The following SPOCK3 variants were observed in gnomAD, a reference collection of about 807,000 sequenced individuals.
SPOCK3 encodes the protein SPARC (osteonectin), cwcv and kazal like domains proteoglycan 3, also known as testican-3.
In SPOCK3, 30 loss-of-function variants were observed where a neutral mutation model predicts 56.6. The ratio of observed to expected loss-of-function variants is 0.53; its 90% confidence interval spans 0.40 to 0.72. The LOEUF is 0.72. Among genes scored for constraint, SPOCK3 ranks in the 30% least tolerant of loss-of-function variants. The probability of loss-of-function intolerance (pLI) is 0.00; values close to 1 mark genes in which losing one functional copy is unlikely to be tolerated. For synonymous variants in SPOCK3, 196 were observed against 183.3 expected, an observed-to-expected ratio of 1.07 and a Z score of -0.56; for missense variants, 527 against 530.0, an observed-to-expected ratio of 0.99 and a Z score of 0.06.
intron 5 of SPOCK3, among the ~76,000 whole-genome samples, chr4:166,893,235 T>A (rs1734976188): frequency 6.6e-6 from 1 of 152,244 alleles, no homozygotes; most frequent in South Asian, 2.1e-4. Flanking sequence ...ATTAGTCTAC[T>A]GTAAGGCAAT....
At chr4:167,115,091 G>C (rs1234285755) in intron 2 of SPOCK3, among the ~76,000 whole-genome samples, 1 of 152,050 alleles carries the variant, frequency 6.6e-6, no homozygotes, top group Non-Finnish European at 1.5e-5. Flanking sequence ...TTGATATTGC[G>C]AACAACTAAC....
intron 6 of SPOCK3, among the ~76,000 whole-genome samples, chr4:166,818,044 C>A (rs1439624407): frequency 6.6e-6 from 1 of 151,876 alleles, no homozygotes; most frequent in Admixed American, 6.6e-5. Flanking sequence ...AATAATATGT[C>A]CAAGATTACA....
At chr4:166,773,249 T>G (rs1739157706) in intron 7 of SPOCK3, among the ~76,000 whole-genome samples, 1 of 152,202 alleles carries the variant, frequency 6.6e-6, no homozygotes, top group African/African-American at 2.4e-5. Flanking sequence ...ATAAGAAATA[T>G]CATACCGGAA....
chr4:166,741,258 G>A (rs1734813992), intron 9 of SPOCK3, among the ~76,000 whole-genome samples: 1 of 152,292 alleles, frequency 6.6e-6, no homozygotes, highest in South Asian at 2.1e-4. Context: ...TTATAGCAAT[G>A]CTAATTTCTT....
At position 167,177,135 on chromosome 4, in the gene SPOCK3, C is replaced by T. The variant is rs575061075; in HGVS notation, c.189+56850G>A. On this transcript the variant is annotated intron_variant, in intron 2 of 10. Transcript: ENST00000357545. Reference sequence around the variant, plus strand: ...TTGACGAGGAACTAGTTATCATGGGCTCTTCCTGACATGAGCAGACAACTG... The same window carrying T: ...TTGACGAGGAACTAGTTATCATGGGTTCTTCCTGACATGAGCAGACAACTG... Among the ~76,000 whole-genome samples the T allele has an allele frequency of 6.6e-5, 10 of 152,182 alleles. No homozygotes were observed. In the South Asian group the frequency reaches 2.1e-3, roughly 32 times the overall value.
intron 5 of SPOCK3, among the ~76,000 whole-genome samples, chr4:166,890,054 G>A (rs1295231975): frequency 6.6e-6 from 1 of 151,812 alleles, no homozygotes; most frequent in Non-Finnish European, 1.5e-5. Context: ...TGGAATAAAT[G>A]TGCATTTGTA....
intron 2 of SPOCK3, among the ~76,000 whole-genome samples, chr4:167,073,824 T>C (rs1466035950): frequency 6.6e-6 from 1 of 151,906 alleles, no homozygotes; most frequent in Non-Finnish European, 1.5e-5. Context: ...GCTTCTAAAA[T>C]CTTTGAACTA....
intron 7 of SPOCK3, among the ~76,000 whole-genome samples, chr4:166,769,627 C>T (rs1474127995): frequency 1.3e-5 from 2 of 152,128 alleles, no homozygotes; most frequent in Admixed American, 6.5e-5. Context: ...TTAGGCTACT[C>T]GGGGGTCAGG....
intron 2 of SPOCK3, among the ~76,000 whole-genome samples, chr4:167,093,826 GTCAAATGGTATTTCTGGT>G (rs1758916930): frequency 1.3e-5 from 2 of 152,142 alleles, no homozygotes; most frequent in Non-Finnish European, 1.5e-5. Flanking sequence ...GGATTGCTGG[GTCAAATGGTATTTCTGGT>G]TCTAGATCCT....
chr4:167,101,345 C>G (rs968849981), intron 2 of SPOCK3, among the ~76,000 whole-genome samples: 5 of 152,070 alleles, frequency 3.3e-5, no homozygotes, highest in African/African-American at 1.2e-4. Flanking sequence ...ACTCGTTAGT[C>G]TCCCTACTTA....
At chr4:166,920,169 T>C (rs894192170) in intron 4 of SPOCK3, among the ~76,000 whole-genome samples, 9 of 152,112 alleles carry the variant, frequency 5.9e-5, no homozygotes, top group African/African-American at 2.2e-4. Flanking sequence ...AGCATACATA[T>C]AAAATTTTAA....
chr4:167,222,808 AATAT>A (rs571895646), intron 2 of SPOCK3, among the ~76,000 whole-genome samples: 4,800 of 114,870 alleles, frequency 0.042, 227 homozygotes, highest in African/African-American at 0.096. Context: ...TTGATATATG[AATAT>A]ATAAATATAT....
chr4:166,743,975 C>G (rs1735221965), intron 8 of SPOCK3, among the ~76,000 whole-genome samples: 1 of 152,156 alleles, frequency 6.6e-6, no homozygotes, highest in Non-Finnish European at 1.5e-5. Context: ...CTGGGTGGAG[C>G]CCACAGCAGC....
intron 2 of SPOCK3, among the ~76,000 whole-genome samples, chr4:167,111,460 A>T (rs1025477184): frequency 6.6e-6 from 1 of 152,110 alleles, no homozygotes; most frequent in Non-Finnish European, 1.5e-5. Context: ...CACTCTAAAC[A>T]AACTATTAAA....
rs143932335 is a variant in SPOCK3 at position 166,894,593 on chromosome 4, T to C, written c.475-5349A>G. Among the ~76,000 whole-genome samples the C allele has an allele frequency of 5.6e-3, 846 of 152,210 alleles. 10 individuals are homozygous for C. Among genetic ancestry groups the C allele is most frequent in the African/African-American group, 0.019 (806 of 41,540 alleles). ...CTAGTTGAATTTAAGCTAACTAAGC[T>C]GAGATGAGGAAGTAAGGACACGACA... On this transcript the variant is annotated intron_variant, in intron 5 of 10. Transcript: ENST00000357545.
At chr4:166,814,137 A>C (rs1212537800) in intron 6 of SPOCK3, among the ~76,000 whole-genome samples, 1 of 152,100 alleles carries the variant, frequency 6.6e-6, no homozygotes, top group African/African-American at 2.4e-5. Flanking sequence ...TTCACTATGA[A>C]AATGCTCCTG....
At chr4:167,080,243 A>G (rs1757586499) in intron 2 of SPOCK3, among the ~76,000 whole-genome samples, 1 of 152,080 alleles carries the variant, frequency 6.6e-6, no homozygotes, top group Non-Finnish European at 1.5e-5. Context: ...GTATTGTCTG[A>G]CTTATGTTCT....
At chr4:166,950,051 C>A (rs909479593) in intron 4 of SPOCK3, among the ~76,000 whole-genome samples, 11 of 150,306 alleles carry the variant, frequency 7.3e-5, no homozygotes, top group African/African-American at 2.5e-4. Context: ...AACCAGCTAA[C>A]TTCATAATGA....
At chr4:166,995,238 T>G (rs1377906862) in intron 4 of SPOCK3, among the ~76,000 whole-genome samples, 1 of 79,388 alleles carries the variant, frequency 1.3e-5, no homozygotes, top group Non-Finnish European at 3.1e-5. Context: ...CATATATGCA[T>G]GTATGTATGT....
Sources: allele counts gnomAD v4.1 joint callset (sites outside exome capture counted in the v4.1 genomes callset), GRCh38; gene constraint gnomAD v4.1.1; transcripts MANE v1.5; gene names NCBI Gene and HGNC (gene_info 2026-07-23, HGNC 2026-07-21).